The following CNP variants were observed in gnomAD, a reference collection of about 807,000 sequenced individuals.
CNP encodes the protein 2',3'-cyclic-nucleotide 3'-phosphodiesterase.
CNP carries 8 observed loss-of-function variants against 37.9 expected under a neutral mutation model. The ratio of observed to expected loss-of-function variants is 0.21; its 90% CI spans 0.12 to 0.38. CNP has a LOEUF of 0.38. Ranked by LOEUF, CNP falls within the 10% of genes least tolerant of loss-of-function variation. CNP has a pLI of 1.00. For missense variants in CNP, 457 were observed against 551.0 expected, an observed-to-expected ratio of 0.83 and a Z score of 1.71; for synonymous variants, 237 against 238.3, an observed-to-expected ratio of 0.99 and a Z score of 0.05.
rs1555644761 is a variant in CNP at position 41,976,336 on chromosome 17, C to A, written c.*2412C>A. On this transcript the variant is annotated 3_prime_UTR_variant, in exon 4 of 4. Coordinates refer to ENST00000393892, the MANE Select transcript of CNP (RefSeq NM_033133.5). ...GCCCCACCTGCCACTAGGCTGGGTG[C>A]CCACAGCCCGCATGCAGCAGCTTGC... The A allele has an allele frequency of 4.5e-6, 1 of 223,538 alleles. No individual in the cohort carries two copies. The highest frequency in any genetic ancestry group is 8.7e-6 in the Non-Finnish European group (1 of 114,700). 13.8% of individuals were successfully genotyped at this position (223,538 alleles called of 1,614,324 possible). A position where few individuals can be genotyped will look rare whatever the true frequency, so the allele number is the denominator to read the frequency against.
chr17:41,971,242 T>G (rs2050983438), intron 2 of CNP: 1 of 152,390 alleles, frequency 6.6e-6, no homozygotes, highest in African/African-American at 2.4e-5. Flanking sequence ...CTGTTTTCTT[T>G]CCACCCCACT....
In CNP at chr17:41,974,004, ATTTTTTT is replaced by A. The variant is rs34645700; in HGVS notation, c.*94_*100del. On this transcript the variant is annotated 3_prime_UTR_variant, in exon 4 of 4. Transcript: ENST00000393892. Reference sequence around the variant, plus strand: ...CTCTGTTTGATCCTTGTTTTGTGACATTTTTTTTTTTTTTTTTTTTACTCAAAGTTAA... The same window carrying A: ...CTCTGTTTGATCCTTGTTTTGTGACATTTTTTTTTTTTTACTCAAAGTTAA... 3.5e-5 allele frequency: 29 copies of A among 838,456 alleles called. No individual in the cohort carries two copies. Among genetic ancestry groups the A allele is most frequent in the Admixed American group, 8.7e-5 (2 of 22,958 alleles). The allele number at this position is 838,456 out of a possible 1,614,324, so 51.9% of individuals were successfully genotyped here.
chr17:41,972,093 T>A, intron 3 of CNP, 62 bp downstream of exon 3: 1 of 1,585,948 alleles, frequency 6.3e-7, no homozygotes, highest in Non-Finnish European at 8.6e-7. Context: ...GGCTGCAGCA[T>A]CTTCTGAAGA....
At position 41,966,823 on chromosome 17, in the gene CNP, A is replaced by G. The variant is rs2050901942; in HGVS notation, c.-62A>G. ...GCTGGACTCCCGTGTCCCTCCGCGC[A>G]GGCGGGCGGCCCCGGAGCGCTGGTG... On this transcript the variant is annotated 5_prime_UTR_variant, in exon 1 of 4. Coordinates refer to ENST00000393892, the MANE Select transcript of CNP (RefSeq NM_033133.5). The G allele has an allele frequency of 1.4e-6, 2 of 1,380,234 alleles. No homozygotes were observed. The highest frequency in any genetic ancestry group is 1.9e-6 in the Non-Finnish European group (2 of 1,068,366). The allele number at this position is 1,380,234 out of a possible 1,614,324, so 85.5% of individuals were successfully genotyped here.
Position 41,972,569 on chromosome 17 carries a change from A to G in CNP, c.816+538A>G, listed in dbSNP as rs538553700. ...GTGATCCCTGAATGCCAGGCATGTC[A>G]CCCATATCCACAGTCTCCAACTTCC... On this transcript the variant is annotated intron_variant, in intron 3 of 3. Coordinates refer to ENST00000393892, the MANE Select transcript of CNP (RefSeq NM_033133.5). Among the ~76,000 whole-genome samples the G allele has an allele frequency of 3.9e-5, 6 of 152,158 alleles. No individual in the cohort carries two copies. In the East Asian group the frequency reaches 1.2e-3, roughly 29 times the overall value.
intron 3 of CNP, 79 bp downstream of exon 3, chr17:41,972,110 C>T (rs1555643925): frequency 6.4e-7 from 1 of 1,553,362 alleles, no homozygotes; most frequent in Non-Finnish European, 8.8e-7. Context: ...AAGATAGGTA[C>T]CGGTGCCAGG....
In CNP at chr17:41,973,501, C is replaced by T; in HGVS notation, c.843C>T (p.Ala281=). The T allele has an allele frequency of 1.2e-6, 2 of 1,614,210 alleles. No homozygotes were observed. Among genetic ancestry groups the T allele is most frequent in the Non-Finnish European group, 1.7e-6 (2 of 1,180,040 alleles). Residue 281 remains alanine (A), a synonymous_variant, in exon 4 of 4, where the codon GCC becomes GCT. Transcript: ENST00000393892. ...QDVLKKSYSK[A]FTLTISALFV... is the part of the protein sequence containing the mutation. ...TGTTAAAGAAATCTTACTCCAAGGC[C>T]TTCACGCTGACCATCTCTGCCCTCT...
Position 41,966,832 on chromosome 17 carries a change from G to GC in CNP, c.-49dup, listed in dbSNP as rs879957950. 1.2e-3 allele frequency: 1,664 copies of GC among 1,376,582 alleles called. 2 individuals are homozygous for GC. Among genetic ancestry groups the GC allele is most frequent in the Middle Eastern group, 2.6e-3 (10 of 3,782 alleles). 85.3% of individuals were successfully genotyped at this position (1,376,582 alleles called of 1,614,324 possible). A position where few individuals can be genotyped will look rare whatever the true frequency, so the allele number is the denominator to read the frequency against. ...CCGTGTCCCTCCGCGCAGGCGGGCGGCCCCGGAGCGCTGGTGCCGGCAGAG... is the reference window on the plus strand; with the variant it reads ...CCGTGTCCCTCCGCGCAGGCGGGCGGCCCCCGGAGCGCTGGTGCCGGCAGAG... On this transcript the variant is annotated 5_prime_UTR_variant, in exon 1 of 4. Coordinates refer to ENST00000393892, the MANE Select transcript of CNP (RefSeq NM_033133.5).
rs1334157721 is a variant in CNP at position 41,968,081 on chromosome 17, C to T, written c.17C>T (p.Ser6Phe). Residue 6 changes from serine to phenylalanine, a missense_variant, in exon 2 of 4, where the codon TCC becomes TTC. This residue lies in a region of CNP where 166 missense variants were observed against 259.3 expected (regional missense o/e 0.64). Coordinates refer to ENST00000393892, the MANE Select transcript of CNP (RefSeq NM_033133.5). This position sits in a 1 kb window ranked among gnomAD's most constrained non-coding sequence, Gnocchi z 4.8. Reference sequence around the variant, plus strand: ...CTCCTTACACAGAACAGAGGCTTCTCCCGAAAAAGCCACACATTCCTGCCC... The same window carrying T: ...CTCCTTACACAGAACAGAGGCTTCTTCCGAAAAAGCCACACATTCCTGCCC... MNRGF[S>F]RKSHTFLPKI... is the part of the protein sequence containing the mutation. 2 of 1,613,090 alleles carry T rather than the reference C, an allele frequency of 1.2e-6. No homozygotes were observed. The highest frequency in any genetic ancestry group is 1.3e-5 in the African/African-American group (1 of 75,050).
At chr17:41,972,740 A>G (rs576220868) in intron 3 of CNP, among the ~76,000 whole-genome samples, 1 of 152,290 alleles carries the variant, frequency 6.6e-6, no homozygotes, top group East Asian at 1.9e-4. Flanking sequence ...CCAGCACCCT[A>G]GCATAGTGGA....
intron 3 of CNP, among the ~76,000 whole-genome samples, chr17:41,972,964 A>G (rs1419162008): frequency 5.3e-5 from 8 of 152,334 alleles, no homozygotes; most frequent in African/African-American, 1.9e-4. Context: ...GTTTCCATCA[A>G]GGGCGAGTCT....
rs939596473 is a variant in CNP at position 41,973,458 on chromosome 17, T to C, written c.817-17T>C. 12 of 1,603,112 alleles carry C rather than the reference T, an allele frequency of 7.5e-6. No individual in the cohort carries two copies. The highest frequency in any genetic ancestry group is 1.7e-5 in the Admixed American group (1 of 59,186). The stretch of plus-strand genomic sequence containing the variant: ...CTGCCATCTCTAGCTTGGGCCCCTC[T>C]TTCTCACTCTCCCCAGGTGTTAAAG... On this transcript the variant is annotated splice_polypyrimidine_tract_variant and intron_variant, in intron 3 of 3. Transcript: ENST00000393892.
At chr17:41,971,758 A>C in intron 2 of CNP, 134 bp from the exon 3 acceptor site, 11 of 1,165,206 alleles carry the variant, frequency 9.4e-6, no homozygotes, top group Non-Finnish European at 1.2e-5. Context: ...TAACCAATGA[A>C]TGAGCTGTAG....
rs2051119934 is a variant in CNP, at chr17:41,977,466, C to T, written c.*3542C>T. 5.6e-6 allele frequency: 4 copies of T among 710,720 alleles called. No homozygotes were observed. The allele number at this position is 710,720 out of a possible 1,614,324, so 44.0% of individuals were successfully genotyped here. A position where few individuals can be genotyped will look rare whatever the true frequency, so the allele number is the denominator to read the frequency against. On this transcript the variant is annotated 3_prime_UTR_variant, in exon 4 of 4. Coordinates refer to ENST00000393892, the MANE Select transcript of CNP (RefSeq NM_033133.5). ...CCTCCTTTCCCAACACTTCAGACTG[C>T]AAGTGAGCAAACCTGCCCCATCCCG...
chr17:41,971,188 C>G (rs2050982473), intron 2 of CNP: 1 of 152,246 alleles, frequency 6.6e-6, no homozygotes, highest in Admixed American at 6.5e-5. Flanking sequence ...GAGATATTCA[C>G]TGTGTTCTGG....
In CNP at chr17:41,977,318, C is replaced by T. The variant is rs781922631; in HGVS notation, c.*3394C>T. 1.9e-6 allele frequency: 3 copies of T among 1,579,184 alleles called. No homozygotes were observed. The East Asian group carries it at 6.9e-5, about 36-fold the overall frequency. Reference sequence around the variant, plus strand: ...AATGCCTTGAAGATATTGTTTGGATCAAAATCTGTAGAGCAGGGCAAGTAA... The same window carrying T: ...AATGCCTTGAAGATATTGTTTGGATTAAAATCTGTAGAGCAGGGCAAGTAA... On this transcript the variant is annotated 3_prime_UTR_variant, in exon 4 of 4. Transcript: ENST00000393892.
intron 2 of CNP, chr17:41,970,497 C>A (rs1404945000): frequency 6.6e-6 from 1 of 150,810 alleles, no homozygotes; most frequent in East Asian, 1.9e-4. Flanking sequence ...CTCCCGGGTT[C>A]AAGCAATTCT....
chr17:41,977,479 C>A lies in CNP; in HGVS notation c.*3555C>A. ...CACTTCAGACTGCAAGTGAGCAAAC[C>A]TGCCCCATCCCGTGCAAAACATGCT... On this transcript the variant is annotated 3_prime_UTR_variant, in exon 4 of 4. Transcript: ENST00000393892. 1.6e-6 allele frequency: 1 copy of A among 627,256 alleles called. No homozygotes were observed. The highest frequency in any genetic ancestry group is 2.8e-6 in the Non-Finnish European group (1 of 360,548). 38.9% of individuals were successfully genotyped at this position (627,256 alleles called of 1,614,324 possible). A position where few individuals can be genotyped will look rare whatever the true frequency, so the allele number is the denominator to read the frequency against.
At chr17:41,970,515 C>T (rs988195769) in intron 2 of CNP, 1 of 151,546 alleles carries the variant, frequency 6.6e-6, no homozygotes, top group Non-Finnish European at 1.5e-5. Flanking sequence ...TCTCCTGCCT[C>T]AGCCACCCAA....
Sources: gnomAD v4.1 joint callset for allele counts (sites outside exome capture counted in the v4.1 genomes callset) on GRCh38, gnomAD v4.1.1 for gene constraint, gnomAD v4.1.1 regional missense constraint, Gnocchi (gnomAD v3.1) non-coding constraint, MANE v1.5 for transcripts, NCBI Gene and HGNC (gene_info 2026-07-23, HGNC 2026-07-21) for gene names.